ACER1: variants seen among roughly 807,000 people sequenced by gnomAD.
The protein encoded by ACER1 is alkaline ceramidase 1, also known as CTB-180A7.3.
A neutral mutation model predicts 24.9 loss-of-function variants in ACER1; 28 were observed. The observed-to-expected ratio is 1.13, with a 90% CI of 0.83 to 1.54. The LOEUF is 1.54. Among genes scored for constraint, ACER1 ranks in the 40% most tolerant of loss-of-function variants. The pLI is 0.00. For synonymous variants in ACER1, 132 were observed against 131.4 expected, an observed-to-expected ratio of 1.00 and a Z score of -0.03; for missense variants, 352 against 349.3, an observed-to-expected ratio of 1.01 and a Z score of -0.06.
chr19:6,333,831 G>A (rs762224115), upstream of ACER1, among the ~76,000 whole-genome samples: 1 of 152,208 alleles, frequency 6.6e-6, no homozygotes, highest in Non-Finnish European at 1.5e-5. Context: ...CCCAGGAATA[G>A]GAATCGGGGT....
chr19:6,309,712 C>T lies in ACER1; in HGVS notation c.473G>A (p.Cys158Tyr), dbSNP rs779260832. The change falls in exon 4 of 6, where the codon TGC becomes TAC. Residue 158 changes from cysteine (C) to tyrosine (Y), a missense_variant. Cys to Tyr is a radical substitution (Grantham distance 194). Transcript: ENST00000301452. ...SIALHILYIV[C>Y]QEYRKTSNKE... ...CTTCACTCACTTCCTGTACTCCTGG[C>T]ACACGATGTAGAGAATGTGCAGGGC... 2 of 1,613,772 alleles carry T rather than the reference C, an allele frequency of 1.2e-6. No homozygotes were observed. The highest frequency in any genetic ancestry group is 1.7e-6 in the Non-Finnish European group (2 of 1,179,924).
intron 1 of ACER1, among the ~76,000 whole-genome samples, chr19:6,316,575 CT>C (rs1357695082): frequency 6.6e-6 from 1 of 151,856 alleles, no homozygotes; most frequent in Non-Finnish European, 1.5e-5. Flanking sequence ...AATCCCAGCA[CT>C]TTGGGAGGTG....
At position 6,312,209 on chromosome 19, in the gene ACER1, C is replaced by A; in HGVS notation, c.290G>T (p.Gly97Val). Residue 97 changes from glycine (G) to valine (V), a missense_variant, in exon 3 of 6, where the codon GGC becomes GTC. By Grantham distance (109) the Gly-to-Val change is moderately radical (BLOSUM62 -3). Transcript: ENST00000301452. ...GGGCATCCATATGCTATAGCCACTG[C>A]CCAGGAGCCACAGGATGGCGATCTC... ...LDEIAILWLL[G>V]SGYSIWMPRC... The A allele has an allele frequency of 1.2e-6, 2 of 1,614,136 alleles. No individual in the cohort carries two copies. Among genetic ancestry groups the A allele is most frequent in the Middle Eastern group, 1.7e-4 (1 of 6,060 alleles).
At chr19:6,314,287 T>C (rs1172633514) in intron 1 of ACER1, among the ~76,000 whole-genome samples, 4 of 151,432 alleles carry the variant, frequency 2.6e-5, no homozygotes, top group African/African-American at 9.7e-5. Context: ...CAGGGCAACA[T>C]GGTGAAATCC....
chr19:6,312,557 G>A, intron 1 of ACER1, 58 bp from the exon 2 acceptor site: 1 of 1,379,308 alleles, frequency 7.3e-7, no homozygotes, highest in East Asian at 2.3e-5. Flanking sequence ...GGAGGAGGCT[G>A]CCCTCTGTCC....
intron 3 of ACER1, among the ~76,000 whole-genome samples, chr19:6,311,787 C>T (rs575417453): frequency 1.3e-5 from 2 of 151,126 alleles, no homozygotes; most frequent in Non-Finnish European, 3.0e-5. Context: ...CTAAGCAGAT[C>T]AGATGAAAGA....
intron 1 of ACER1, among the ~76,000 whole-genome samples, chr19:6,331,295 G>A (rs1220598106): frequency 6.8e-6 from 1 of 148,022 alleles, no homozygotes; most frequent in African/African-American, 2.6e-5. Flanking sequence ...GACTACAGGC[G>A]CCCGGCACCA....
At chr19:6,358,344 T>C in the ACER1 span, among the ~76,000 whole-genome samples, 15 of 152,268 alleles carry the variant, frequency 9.9e-5, no homozygotes, top group African/African-American at 3.1e-4. Flanking sequence ...CTCCTAACTC[T>C]GTCACCTTCA....
At chr19:6,334,632 C>A (rs1251431621), upstream of ACER1, among the ~76,000 whole-genome samples, 2 of 152,162 alleles carry the variant, frequency 1.3e-5, no homozygotes. Flanking sequence ...TACGCATGAG[C>A]CACCTCACCT....
chr19:6,323,398 G>A (rs1031518830), intron 1 of ACER1, among the ~76,000 whole-genome samples: 14 of 151,160 alleles, frequency 9.3e-5, no homozygotes, highest in Non-Finnish European at 1.8e-4. Context: ...TCCAGCCTGG[G>A]TGACAGCGAG....
chr19:6,340,730 A>T, the ACER1 span, among the ~76,000 whole-genome samples: 1 of 152,072 alleles, frequency 6.6e-6, no homozygotes. Flanking sequence ...AACTTGAGTG[A>T]TCATGGTGCT....
chr19:6,355,645 C>T, the ACER1 span, among the ~76,000 whole-genome samples: 1 of 147,462 alleles, frequency 6.8e-6, no homozygotes, highest in Non-Finnish European at 1.5e-5. Flanking sequence ...CCCCGCCCGG[C>T]CAGCCGCCCC....
At chr19:6,348,329 G>GTGA in the ACER1 span, among the ~76,000 whole-genome samples, 3 of 151,886 alleles carry the variant, frequency 2.0e-5, no homozygotes, top group African/African-American at 7.2e-5. Context: ...GCTGGGTGTG[G>GTGA]TGGCACGCGC....
At chr19:6,337,666 T>C (rs10418777), upstream of ACER1, among the ~76,000 whole-genome samples, 753 of 60,280 alleles carry the variant, frequency 0.012, 13 homozygotes, top group African/African-American at 0.046. Context: ...TCTTTCTTTT[T>C]TTTTTTTTTT....
intron 1 of ACER1, among the ~76,000 whole-genome samples, chr19:6,318,010 C>T (rs2145005148): frequency 6.6e-6 from 1 of 152,148 alleles, no homozygotes; most frequent in Non-Finnish European, 1.5e-5. Flanking sequence ...TCACCTCAGC[C>T]TCTAAAAATC....
At chr19:6,341,162 G>A in the ACER1 span, among the ~76,000 whole-genome samples, 8 of 150,270 alleles carry the variant, frequency 5.3e-5, no homozygotes, top group African/African-American at 7.3e-5. Context: ...GTGCACTGGC[G>A]CGATCTCGGC....
chr19:6,307,923 C>G (rs1209055029), intron 4 of ACER1, among the ~76,000 whole-genome samples: 1 of 150,920 alleles, frequency 6.6e-6, no homozygotes, highest in Non-Finnish European at 1.5e-5. Flanking sequence ...TCTGACTCTA[C>G]TAAAAATACA....
At chr19:6,327,657 G>A (rs2091668022) in intron 1 of ACER1, among the ~76,000 whole-genome samples, 1 of 151,874 alleles carries the variant, frequency 6.6e-6, no homozygotes, top group Non-Finnish European at 1.5e-5. Context: ...GCAAAGTTCA[G>A]CCCACTGCCT....
upstream of ACER1, among the ~76,000 whole-genome samples, chr19:6,335,221 G>A (rs1018660522): frequency 4.5e-5 from 5 of 111,788 alleles, no homozygotes; most frequent in Admixed American, 1.8e-4. Flanking sequence ...CTCATTTAAC[G>A]TTCTTTTTTT....
Sources: gnomAD v4.1 joint callset for allele counts (sites outside exome capture counted in the v4.1 genomes callset) on GRCh38, gnomAD v4.1.1 for gene constraint, MANE v1.5 for transcripts, NCBI Gene and HGNC (gene_info 2026-07-23, HGNC 2026-07-21) for gene names.